ADARB2: variants seen among roughly 807,000 people sequenced by gnomAD.
The protein encoded by ADARB2 is adenosine deaminase RNA specific B2 (inactive).
Under a neutral mutation model 62.2 loss-of-function variants are expected in ADARB2, and 25 were observed. That is an observed-to-expected ratio of 0.40 (90% CI 0.29 to 0.56). The LOEUF (loss-of-function observed/expected upper bound fraction) is 0.56. Ranked by LOEUF, ADARB2 falls within the 20% of genes least tolerant of loss-of-function variation. ADARB2 has a pLI of 0.43. For synonymous variants in ADARB2, 572 were observed against 500.8 expected, an observed-to-expected ratio of 1.14 and a Z score of -1.90; for missense variants, 1,071 against 1,077.4, an observed-to-expected ratio of 0.99 and a Z score of 0.08.
chr10:1,294,025 A>C (rs1831501946), intron 3 of ADARB2, among the ~76,000 whole-genome samples: 1 of 152,198 alleles, frequency 6.6e-6, no homozygotes, highest in Non-Finnish European at 1.5e-5. Flanking sequence ...AACAAAGAAA[A>C]AACTTAGAGC....
At chr10:1,684,939 C>T (rs1834580848) in intron 1 of ADARB2, among the ~76,000 whole-genome samples, 1 of 151,872 alleles carries the variant, frequency 6.6e-6, no homozygotes, top group African/African-American at 2.4e-5. Flanking sequence ...GTGGGGGCCT[C>T]ATCCATGCTC....
At chr10:1,589,721 T>C (rs571497713) in intron 1 of ADARB2, among the ~76,000 whole-genome samples, 52 of 152,346 alleles carry the variant, frequency 3.4e-4, no homozygotes, top group African/African-American at 1.0e-3. Flanking sequence ...TCGCCCAGTC[T>C]GGAGTGCAAT....
intron 3 of ADARB2, among the ~76,000 whole-genome samples, chr10:1,344,925 G>C (rs958105359): frequency 1.3e-5 from 2 of 152,202 alleles, no homozygotes; most frequent in African/African-American, 4.8e-5. Flanking sequence ...CGAGCTCCGT[G>C]CATAATGTCC....
chr10:1,270,898 G>A (rs1831254911), intron 4 of ADARB2, 57 bp downstream of exon 4: 2 of 1,483,242 alleles, frequency 1.3e-6, no homozygotes, highest in Middle Eastern at 1.7e-4. Flanking sequence ...TCAGGTAGAT[G>A]CTAATGCTCC....
chr10:1,524,894 A>G (rs1454225512), intron 1 of ADARB2, among the ~76,000 whole-genome samples: 1 of 152,192 alleles, frequency 6.6e-6, no homozygotes, highest in Non-Finnish European at 1.5e-5. Flanking sequence ...ATACACAGAA[A>G]ATAGTCAGGA....
intron 1 of ADARB2, among the ~76,000 whole-genome samples, chr10:1,650,918 A>G (rs1357182265): frequency 6.6e-6 from 1 of 152,160 alleles, no homozygotes; most frequent in Non-Finnish European, 1.5e-5. Context: ...TTCCCGGCTC[A>G]TGTGAGGGCT....
chr10:1,576,186 GTCTCA>G, intron 1 of ADARB2, among the ~76,000 whole-genome samples: 2 of 147,582 alleles, frequency 1.4e-5, no homozygotes, highest in Non-Finnish European at 3.0e-5. Context: ...CACAGGACAG[GTCTCA>G]GGGTCACTGG....
At chr10:1,356,367 C>A (rs189350149) in intron 3 of ADARB2, among the ~76,000 whole-genome samples, 2 of 152,220 alleles carry the variant, frequency 1.3e-5, no homozygotes, top group Non-Finnish European at 2.9e-5. Flanking sequence ...ACACAGGCAG[C>A]CAGCTGGGGT....
intron 1 of ADARB2, among the ~76,000 whole-genome samples, chr10:1,718,766 G>C (rs1667019717): frequency 6.6e-6 from 1 of 151,694 alleles, no homozygotes; most frequent in Non-Finnish European, 1.5e-5. Flanking sequence ...CCTCCCAGGA[G>C]GGGGCTCCAG....
Position 1,177,830 on chromosome 10 carries a change from A to C in ADARB2, c.*5363T>G, listed in dbSNP as rs1349648139. 1 of 152,322 alleles carries C rather than the reference A, an allele frequency of 6.6e-6. No individual in the cohort carries two copies. Among genetic ancestry groups the C allele is most frequent in the African/African-American group, 2.4e-5 (1 of 41,470 alleles). 9.4% of individuals were successfully genotyped at this position (152,322 alleles called of 1,614,324 possible). A position where few individuals can be genotyped will look rare whatever the true frequency, so the allele number is the denominator to read the frequency against. On this transcript the variant is annotated 3_prime_UTR_variant, in exon 10 of 10. Transcript: ENST00000381312. ...TCTCTAGAGGCCAGCGCGGTGGCTC[A>C]TGCCTGTAATCCCAGCACTCTGGGA...
intron 1 of ADARB2, among the ~76,000 whole-genome samples, chr10:1,458,108 C>T (rs1313103808): frequency 2.0e-5 from 3 of 152,170 alleles, no homozygotes; most frequent in African/African-American, 7.2e-5. Flanking sequence ...TTCCCAGACG[C>T]ATCGTCACAC....
intron 1 of ADARB2, among the ~76,000 whole-genome samples, chr10:1,439,963 C>T (rs1830884327): frequency 7.7e-6 from 1 of 130,362 alleles, no homozygotes; most frequent in Non-Finnish European, 1.6e-5. Flanking sequence ...CCTCGGTGGA[C>T]AGAAGCAGTT....
In ADARB2 at chr10:1,266,574, C is replaced by T. The variant is rs529131487; in HGVS notation, c.1192+4381G>A. Among the ~76,000 whole-genome samples the T allele has an allele frequency of 3.9e-5, 6 of 152,254 alleles. No homozygotes were observed. The South Asian group carries it at 1.0e-3, about 26-fold the overall frequency. On this transcript the variant is annotated intron_variant, in intron 4 of 9. Coordinates refer to ENST00000381312, the MANE Select transcript of ADARB2 (RefSeq NM_018702.4). ...GAGCTGATGGAAATGGGCCCTGGGC[C>T]GCCTTCCCATCTGGGCGGGAGCCTG...
intron 1 of ADARB2, among the ~76,000 whole-genome samples, chr10:1,507,546 G>A (rs1050772321): frequency 4.6e-5 from 7 of 152,208 alleles, no homozygotes; most frequent in Non-Finnish European, 1.0e-4. Context: ...AGAGGGAAAC[G>A]TGAGCTCCGT....
At chr10:1,470,951 C>A (rs893399572) in intron 1 of ADARB2, among the ~76,000 whole-genome samples, 2 of 152,040 alleles carry the variant, frequency 1.3e-5, no homozygotes, top group Admixed American at 6.6e-5. Context: ...CTCAGCTATT[C>A]GGGAGGCTGA....
intron 1 of ADARB2, among the ~76,000 whole-genome samples, chr10:1,575,363 T>G (rs1020004455): frequency 1.3e-5 from 2 of 152,228 alleles, no homozygotes; most frequent in South Asian, 2.1e-4. Context: ...TCAGTGCTGA[T>G]TATTTTTCTG....
intron 1 of ADARB2, among the ~76,000 whole-genome samples, chr10:1,476,046 A>G (rs1831395857): frequency 6.6e-6 from 1 of 152,220 alleles, no homozygotes; most frequent in African/African-American, 2.4e-5. Context: ...TTAACAAAAG[A>G]AATGCATTTT....
rs570494968 is a variant in ADARB2 at position 1,179,878 on chromosome 10, C to A, written c.*3315G>T. 2.6e-5 allele frequency: 4 copies of A among 152,112 alleles called. No homozygotes were observed. Among genetic ancestry groups the A allele is most frequent in the African/African-American group, 9.7e-5 (4 of 41,434 alleles). 9.4% of individuals were successfully genotyped at this position (152,112 alleles called of 1,614,324 possible). On this transcript the variant is annotated 3_prime_UTR_variant, in exon 10 of 10. Coordinates refer to ENST00000381312, the MANE Select transcript of ADARB2 (RefSeq NM_018702.4). The stretch of plus-strand genomic sequence containing the variant: ...GGGCGGGCCTGACTTCATCAGCCCC[C>A]CTTGTGTCGTGCCCAGCGTATTTTC...
intron 7 of ADARB2, 84 bp from the exon 8 acceptor site, chr10:1,200,231 T>C: frequency 6.6e-7 from 1 of 1,523,806 alleles, no homozygotes; most frequent in Non-Finnish European, 8.9e-7. Context: ...GGCCTGGTCC[T>C]GAGGACCTGT....
Sources: gnomAD v4.1 joint callset for allele counts (sites outside exome capture counted in the v4.1 genomes callset) on GRCh38, gnomAD v4.1.1 for gene constraint, MANE v1.5 for transcripts, NCBI Gene and HGNC (gene_info 2026-07-23, HGNC 2026-07-21) for gene names.